APBB2: variants seen among roughly 807,000 people sequenced by gnomAD.
The protein encoded by APBB2 is Fe65-like 1.
Under a neutral mutation model 82.5 loss-of-function variants are expected in APBB2, and 38 were observed. The ratio of observed to expected loss-of-function variants is 0.46; its 90% CI spans 0.36 to 0.60. The LOEUF (loss-of-function observed/expected upper bound fraction) is 0.60. Among genes scored for constraint, APBB2 ranks in the 20% least tolerant of loss-of-function variants. The pLI is 0.00. For synonymous variants in APBB2, 341 were observed against 368.2 expected, an observed-to-expected ratio of 0.93 and a Z score of 0.85; for missense variants, 772 against 972.3, an observed-to-expected ratio of 0.79 and a Z score of 2.74.
chr4:41,052,938 T>C (rs1726576589), intron 4 of APBB2, among the ~76,000 whole-genome samples: 1 of 152,096 alleles, frequency 6.6e-6, no homozygotes, highest in Non-Finnish European at 1.5e-5. Context: ...CAATTTTTTA[T>C]ATTTTTGGTA....
At chr4:40,860,479 G>A (rs565483946) in intron 12 of APBB2, among the ~76,000 whole-genome samples, 1 of 152,296 alleles carries the variant, frequency 6.6e-6, no homozygotes, top group Non-Finnish European at 1.5e-5. Context: ...ATGCTGCCCA[G>A]GACACCGTGG....
chr4:40,844,204 CCTT>C (rs758562060), intron 12 of APBB2, among the ~76,000 whole-genome samples: 4 of 152,180 alleles, frequency 2.6e-5, no homozygotes, highest in Non-Finnish European at 4.4e-5. Context: ...ACACTGCTTA[CCTT>C]CTCTTTATTT....
chr4:40,816,115 G>T lies in APBB2; in HGVS notation c.2257C>A (p.Arg753Ser). The T allele has an allele frequency of 6.2e-7, 1 of 1,613,796 alleles. No homozygotes were observed. Among genetic ancestry groups the T allele is most frequent in the Non-Finnish European group, 8.5e-7 (1 of 1,179,792 alleles). The stretch of plus-strand genomic sequence containing the variant: ...AGCTATGGCATTTCGGTGACAGGGC[G>T]TTTCTGTTTCAAAGTGTCAATGAGG... ...LSLIDTLKQK[R>S]PVTEMP Residue 753 changes from arginine (R) to serine (S), a missense_variant, in exon 18 of 18, where the codon CGC (arginine) becomes AGC (serine). By Grantham distance (110) the Arg-to-Ser change is moderately radical. Coordinates refer to ENST00000508593, the MANE Select transcript of APBB2 (RefSeq NM_004307.2).
intron 7 of APBB2, among the ~76,000 whole-genome samples, chr4:40,937,449 A>G (rs1487850778): frequency 6.6e-6 from 1 of 152,252 alleles, no homozygotes; most frequent in Admixed American, 6.5e-5. Context: ...AGCTAAAAAC[A>G]GTATTAAGAC....
At chr4:41,023,869 C>A (rs1247518767) in intron 5 of APBB2, among the ~76,000 whole-genome samples, 1 of 152,114 alleles carries the variant, frequency 6.6e-6, no homozygotes, top group African/African-American at 2.4e-5. Context: ...GTCCAATTAG[C>A]CAAGGCAAGC....
chr4:41,169,672 C>T (rs560164953), intron 1 of APBB2, among the ~76,000 whole-genome samples: 1 of 152,152 alleles, frequency 6.6e-6, no homozygotes, highest in Admixed American at 6.5e-5. Context: ...CAGCAGCCTG[C>T]GATATGGTAA....
chr4:40,879,591 T>C (rs1028811514), intron 12 of APBB2, among the ~76,000 whole-genome samples: 5 of 152,204 alleles, frequency 3.3e-5, no homozygotes, highest in Admixed American at 6.5e-5. Context: ...CTAGAGATAA[T>C]TTCTAGATAT....
At chr4:40,986,857 A>G (rs1019977099) in intron 6 of APBB2, among the ~76,000 whole-genome samples, 1 of 152,238 alleles carries the variant, frequency 6.6e-6, no homozygotes, top group Non-Finnish European at 1.5e-5. Flanking sequence ...ATTAAGATAA[A>G]TTTAGGAAAC....
intron 10 of APBB2, among the ~76,000 whole-genome samples, chr4:40,911,831 A>G (rs1170439403): frequency 1.3e-5 from 2 of 152,098 alleles, no homozygotes; most frequent in Non-Finnish European, 2.9e-5. Context: ...CTTTGTGCTA[A>G]TTTCTTCTCT....
rs1214985260 is a variant in APBB2, at chr4:40,814,025, CT to C, written c.*2066del. ...GGGTGCTAAGACAATTCCGGTCCCC[CT>C]GTCCCCCACCCCTCATGAATTCTGA... On this transcript the variant is annotated 3_prime_UTR_variant, in exon 18 of 18. Transcript: ENST00000508593. 6.6e-6 allele frequency: 1 copy of C among 152,146 alleles called. No individual in the cohort carries two copies. The highest frequency in any genetic ancestry group is 1.5e-5 in the Non-Finnish European group (1 of 67,994). The allele number at this position is 152,146 out of a possible 1,614,324, so 9.4% of individuals were successfully genotyped here. A position where few individuals can be genotyped will look rare whatever the true frequency, so the allele number is the denominator to read the frequency against.
At chr4:40,961,067 A>G (rs1793062060) in intron 6 of APBB2, among the ~76,000 whole-genome samples, 1 of 152,170 alleles carries the variant, frequency 6.6e-6, no homozygotes, top group Non-Finnish European at 1.5e-5. Context: ...GCAGGAAGGC[A>G]GAAGAAATTT....
At chr4:41,144,349 T>C (rs1175565988) in intron 1 of APBB2, among the ~76,000 whole-genome samples, 2 of 152,222 alleles carry the variant, frequency 1.3e-5, no homozygotes, top group Non-Finnish European at 2.9e-5. Flanking sequence ...TATGGTATGA[T>C]CCCAATTTTG....
rs141896246 is a variant in APBB2 at position 41,171,713 on chromosome 4, G to A, written c.-416-28571C>T. On this transcript the variant is annotated intron_variant, in intron 1 of 17. Transcript: ENST00000508593. Reference sequence around the variant, plus strand: ...TGGCTCATGCCTGTAATCCCAGCACGTTAGGAGGCCAAGGTGGGCAGAATC... The same window carrying A: ...TGGCTCATGCCTGTAATCCCAGCACATTAGGAGGCCAAGGTGGGCAGAATC... Among the ~76,000 whole-genome samples, 201 of 152,254 alleles carry A rather than the reference G, an allele frequency of 1.3e-3. 1 individual carries two copies. Among genetic ancestry groups the A allele is most frequent in the African/African-American group, 4.5e-3 (187 of 41,536 alleles).
chr4:40,999,126 A>G (rs937587113), intron 6 of APBB2, among the ~76,000 whole-genome samples: 3 of 152,170 alleles, frequency 2.0e-5, no homozygotes, highest in Non-Finnish European at 4.4e-5. Context: ...TGAACACCGG[A>G]ATGTCTCAGG....
At chr4:40,874,862 A>T (rs1766462441) in intron 12 of APBB2, among the ~76,000 whole-genome samples, 1 of 152,236 alleles carries the variant, frequency 6.6e-6, no homozygotes, top group African/African-American at 2.4e-5. Context: ...CTCAGCTCAA[A>T]AACTTCTTAG....
chr4:41,181,471 T>C (rs1173819288), intron 1 of APBB2, among the ~76,000 whole-genome samples: 2 of 152,252 alleles, frequency 1.3e-5, no homozygotes, highest in African/African-American at 2.4e-5. Flanking sequence ...TAATTATGTA[T>C]AATTTCTTCA....
chr4:40,936,331 A>G (rs13118733), intron 7 of APBB2, among the ~76,000 whole-genome samples: 68,123 of 152,126 alleles, frequency 0.45, 15,829 homozygotes, highest in South Asian at 0.6. Context: ...AGCTCACTGT[A>G]GCCTTGACCT....
chr4:40,890,222 G>A (rs1771568407), intron 12 of APBB2, 142 bp downstream of exon 12: 1 of 1,172,380 alleles, frequency 8.5e-7, no homozygotes, highest in African/African-American at 1.6e-5. Flanking sequence ...GGGAACTAGA[G>A]ACAAGCTTTC....
intron 7 of APBB2, among the ~76,000 whole-genome samples, chr4:40,937,533 TTAA>T (rs1401742645): frequency 6.6e-6 from 1 of 152,178 alleles, no homozygotes; most frequent in African/African-American, 2.4e-5. Context: ...TTTTACAGAT[TTAA>T]ATAAACAAAG....
Sources: allele counts gnomAD v4.1 joint callset (sites outside exome capture counted in the v4.1 genomes callset), GRCh38; gene constraint gnomAD v4.1.1; transcripts MANE v1.5; gene names NCBI Gene and HGNC (gene_info 2026-07-23, HGNC 2026-07-21).